The following AHCY variants were observed in gnomAD, a reference collection of about 807,000 sequenced individuals.
AHCY encodes the protein adenosylhomocysteinase.
In AHCY, 24 loss-of-function variants were observed where a neutral mutation model predicts 45.4. The ratio of observed to expected loss-of-function variants is 0.53; its 90% CI spans 0.38 to 0.74. The LOEUF is 0.74. Among genes scored for constraint, AHCY ranks in the 30% least tolerant of loss-of-function variants. The probability of loss-of-function intolerance (pLI) is 0.00; values close to 1 mark genes in which losing one functional copy is unlikely to be tolerated. For synonymous variants in AHCY, 245 were observed against 235.1 expected, an observed-to-expected ratio of 1.04 and a Z score of -0.39; for missense variants, 449 against 594.1, an observed-to-expected ratio of 0.76 and a Z score of 2.54.
rs185049167 is a variant in AHCY at position 34,301,993 on chromosome 20, T to A, written c.28+1250A>T. The stretch of plus-strand genomic sequence containing the variant: ...ATGGCATTCTCCAGACTTAATAGTG[T>A]CTTTTTTTGTTTGTTTTTTTTTTTT... On this transcript the variant is annotated intron_variant, in intron 1 of 9. Coordinates refer to ENST00000217426, the MANE Select transcript of AHCY (RefSeq NM_000687.4). 5 of 959,570 alleles carry A rather than the reference T, an allele frequency of 5.2e-6. No homozygotes were observed. The African/African-American group carries it at 7.3e-5, about 14-fold the overall frequency. 59.4% of individuals were successfully genotyped at this position (959,570 alleles called of 1,614,324 possible). A position where few individuals can be genotyped will look rare whatever the true frequency, so the allele number is the denominator to read the frequency against.
the AHCY span, among the ~76,000 whole-genome samples, chr20:34,236,822 T>C: frequency 6.6e-6 from 1 of 152,358 alleles, no homozygotes; most frequent in Admixed American, 6.5e-5. Context: ...TCTTGAGTTT[T>C]ATAGTTTCAG....
Position 34,285,478 on chromosome 20 carries a change from C to G in AHCY, c.1129G>C (p.Asp377His). Residue 377 changes from aspartate to histidine, a missense_variant, in exon 9 of 10, where the codon GAC becomes CAC. Asp to His is a moderately conservative substitution (Grantham distance 81). Coordinates refer to ENST00000217426, the MANE Select transcript of AHCY (RefSeq NM_000687.4). ...MAQIELWTHP[D>H]KYPVGVHFLP... ...AAATGAACCCCAACGGGGTACTTGT[C>G]TGGATGGGTCCACAGCTCGATCTGC... 1.9e-6 allele frequency: 3 copies of G among 1,614,066 alleles called. No individual in the cohort carries two copies. Among genetic ancestry groups the G allele is most frequent in the Non-Finnish European group, 2.5e-6 (3 of 1,179,936 alleles).
chr20:34,262,763 C>T, the AHCY span: 1 of 1,571,632 alleles, frequency 6.4e-7, no homozygotes, highest in Non-Finnish European at 8.8e-7. Flanking sequence ...CCCCTCTGCC[C>T]CTCTCACTTC....
the AHCY span, among the ~76,000 whole-genome samples, chr20:34,244,727 C>A: frequency 2.6e-5 from 4 of 152,148 alleles, no homozygotes; most frequent in Non-Finnish European, 4.4e-5. Flanking sequence ...TTTCAAACAG[C>A]GCACATTCAT....
chr20:34,296,966 C>A (rs1269134380), intron 1 of AHCY, among the ~76,000 whole-genome samples: 1 of 152,136 alleles, frequency 6.6e-6, no homozygotes, highest in African/African-American at 2.4e-5. Context: ...AAGCCACCCA[C>A]CCCAGCCCTC....
the AHCY span, chr20:34,246,277 T>C: frequency 1.9e-6 from 3 of 1,551,560 alleles, no homozygotes; most frequent in South Asian, 1.2e-5. Context: ...TCTCCTCTTC[T>C]TCCCCTGCTG....
intron 8 of AHCY, among the ~76,000 whole-genome samples, chr20:34,289,984 A>C (rs1010065852): frequency 1.3e-5 from 2 of 151,738 alleles, no homozygotes; most frequent in East Asian, 1.9e-4. Flanking sequence ...CCACCCCAGC[A>C]CTCCCTAAGC....
Position 34,303,351 on chromosome 20 carries a change from C to T in AHCY, c.-81G>A, listed in dbSNP as rs2122837620. ...CAGGAACTGGGCGGGCAGCGCCGAGCAGGGATATGCGCGTGGCGCCGACGC... is the reference window on the plus strand; with the variant it reads ...CAGGAACTGGGCGGGCAGCGCCGAGTAGGGATATGCGCGTGGCGCCGACGC... On this transcript the variant is annotated 5_prime_UTR_variant, in exon 1 of 10. Transcript: ENST00000217426. 3 of 1,538,664 alleles carry T rather than the reference C, an allele frequency of 1.9e-6. No individual in the cohort carries two copies. The highest frequency in any genetic ancestry group is 1.7e-4 in the Middle Eastern group (1 of 5,964).
At chr20:34,246,684 C>G in the AHCY span, 6 of 470,640 alleles carry the variant, frequency 1.3e-5, no homozygotes, top group Admixed American at 2.9e-5. Context: ...TCTTGAACTC[C>G]TGACCTCAAG....
In AHCY at chr20:34,303,248, T is replaced by C. The variant is rs1341816049; in HGVS notation, c.23A>G (p.Lys8Arg). Residue 8 changes from lysine (K) to arginine (R), a missense_variant, in exon 1 of 10, where the codon AAA becomes AGA. Lys to Arg is a conservative substitution (Grantham distance 26, BLOSUM62 2). Coordinates refer to ENST00000217426, the MANE Select transcript of AHCY (RefSeq NM_000687.4). ...CTGCAGGTCCTGGGACTCACCGACT[T>C]TGTAGGGCAGTTTGTCAGACATGCT... Reference protein sequence around the residue: MSDKLPYKVADIGLAAWG... With the variant: MSDKLPYRVADIGLAAWG... The C allele has an allele frequency of 6.4e-7, 1 of 1,551,518 alleles. No individual in the cohort carries two copies.
chr20:34,271,612 C>CTGTA, the AHCY span, among the ~76,000 whole-genome samples: 1 of 142,864 alleles, frequency 7.0e-6, no homozygotes, highest in Non-Finnish European at 1.5e-5. Flanking sequence ...GTCACCCAGG[C>CTGTA]TGTAGTGTAG....
upstream of AHCY, among the ~76,000 whole-genome samples, chr20:34,304,914 C>G (rs1167119681): frequency 2.0e-5 from 3 of 151,682 alleles, no homozygotes; most frequent in Non-Finnish European, 4.4e-5. Context: ...TCTCGAACTC[C>G]CGACCTCAGG....
chr20:34,260,503 C>A, the AHCY span: 17 of 1,613,658 alleles, frequency 1.1e-5, no homozygotes, highest in African/African-American at 9.3e-5. Context: ...CCTCTGTGAA[C>A]CTACTGGATG....
chr20:34,246,744 C>T, the AHCY span, among the ~76,000 whole-genome samples: 1 of 152,156 alleles, frequency 6.6e-6, no homozygotes, highest in Non-Finnish European at 1.5e-5. Context: ...AGGCGTGAGC[C>T]CCTGTGCCGG....
chr20:34,252,024 A>G, the AHCY span, among the ~76,000 whole-genome samples: 1 of 152,266 alleles, frequency 6.6e-6, no homozygotes, highest in Non-Finnish European at 1.5e-5. Flanking sequence ...GATAGAAGGT[A>G]GATTCTTTCA....
the AHCY span, among the ~76,000 whole-genome samples, chr20:34,253,957 A>G: frequency 6.6e-6 from 1 of 152,240 alleles, no homozygotes; most frequent in South Asian, 2.1e-4. Context: ...GATATCACAC[A>G]TCAAATAACA....
chr20:34,285,788 C>T lies in AHCY; in HGVS notation c.973-154G>A, dbSNP rs34602355. On this transcript the variant is annotated intron_variant, in intron 8 of 9. Coordinates refer to ENST00000217426, the MANE Select transcript of AHCY (RefSeq NM_000687.4). Reference sequence around the variant, plus strand: ...AGCACATGGCTTAGCACAAAAATAACAGCCAATATTTATTAAGAAATGTTG... The same window carrying T: ...AGCACATGGCTTAGCACAAAAATAATAGCCAATATTTATTAAGAAATGTTG... Among the ~76,000 whole-genome samples the T allele has an allele frequency of 0.11, 16,080 of 152,214 alleles. 2,855 individuals are homozygous for T. Among genetic ancestry groups the T allele is most frequent in the African/African-American group, 0.36 (15,123 of 41,484 alleles).
chr20:34,303,189 A>C, intron 1 of AHCY, 54 bp downstream of exon 1: 1 of 1,549,738 alleles, frequency 6.5e-7, no homozygotes, highest in Non-Finnish European at 8.7e-7. Context: ...CGCCACGAAC[A>C]AGCCCCGGGC....
the AHCY span, among the ~76,000 whole-genome samples, chr20:34,254,251 C>T: frequency 3.3e-5 from 5 of 152,230 alleles, no homozygotes; most frequent in South Asian, 4.1e-4. Context: ...TTAGTAGAGA[C>T]GAGCTATCAC....
Sources: gnomAD v4.1 joint callset for allele counts (sites outside exome capture counted in the v4.1 genomes callset) on GRCh38, gnomAD v4.1.1 for gene constraint, MANE v1.5 for transcripts, NCBI Gene and HGNC (gene_info 2026-07-23, HGNC 2026-07-21) for gene names.